Variants in COPE observed in about 807,000 individuals in gnomAD.
COPE encodes the protein coat protein complex I subunit epsilon.
COPE carries 19 observed loss-of-function variants against 42.1 expected under a neutral mutation model. The ratio of observed to expected loss-of-function variants is 0.45; its 90% CI spans 0.31 to 0.66. The LOEUF is 0.66. COPE is among the 30% of genes least tolerant of loss of function. COPE has a pLI of 0.05. For missense variants in COPE, 402 were observed against 416.1 expected, an observed-to-expected ratio of 0.97 and a Z score of 0.30; for synonymous variants, 195 against 181.3, an observed-to-expected ratio of 1.08 and a Z score of -0.60.
intron 5 of COPE, 41 bp downstream of exon 5, chr19:18,905,535 G>A: frequency 6.4e-7 from 1 of 1,567,066 alleles, no homozygotes. Context: ...GACGCTCTGG[G>A]CTGTGGCTCA....
chr19:18,900,560 G>A, intron 7 of COPE, 111 bp from the exon 8 acceptor site: 1 of 786,190 alleles, frequency 1.3e-6, no homozygotes, highest in East Asian at 2.8e-5. Context: ...TCAGAGGTGG[G>A]GTGGGACTGA....
chr19:18,905,924 G>A (rs745883783), intron 4 of COPE: 15 of 525,822 alleles, frequency 2.9e-5, no homozygotes, highest in Non-Finnish European at 4.3e-5. Flanking sequence ...GGCCCTGCCC[G>A]GACTCGACAC....
intron 3 of COPE, 104 bp from the exon 4 acceptor site, chr19:18,907,216 G>A: frequency 1.6e-6 from 2 of 1,282,796 alleles, no homozygotes; most frequent in Non-Finnish European, 2.1e-6. Context: ...GGTGAGCCAG[G>A]CCCTGGGGGT....
At position 18,902,757 on chromosome 19, in the gene COPE, AAGGAAGGAAGGGAAAGAAGGAAGGAAGG is replaced by A. The variant is rs1323393601; in HGVS notation, c.735+483_735+510del. On this transcript the variant is annotated intron_variant, in intron 7 of 9. Transcript: ENST00000262812. Reference sequence around the variant, plus strand: ...AGGAAGGAAAGGAAGGAAAGGAAGGAAGGAAGGAAGGGAAAGAAGGAAGGAAGGAAGGAAGGAAGGAAGGAAGGAAGGA... The same window carrying A: ...AGGAAGGAAAGGAAGGAAAGGAAGGAAAGGAAGGAAGGAAGGAAGGAAGGA... 2.3e-4 allele frequency among the ~76,000 whole-genome samples: 9 copies of A among 39,058 alleles called. 2 individuals carry two copies. The highest frequency in any genetic ancestry group is 1.0e-3 in the African/African-American group (6 of 6,006). The allele number at this position is 39,058 out of a possible 152,430, so 25.6% of individuals were successfully genotyped here.
intron 4 of COPE, chr19:18,905,856 G>C (rs963921637): frequency 1.8e-6 from 1 of 554,284 alleles, no homozygotes; most frequent in African/African-American, 2.0e-5. Context: ...TTCAGGCCCC[G>C]GCCCACTCAC....
At chr19:18,905,717 G>A in intron 4 of COPE, 88 bp from the exon 5 acceptor site, 1 of 1,379,870 alleles carries the variant, frequency 7.2e-7, no homozygotes, top group South Asian at 1.3e-5. Context: ...GTGTGTGTCT[G>A]GGATGTTCCT....
Position 18,905,623 on chromosome 19 carries a change from G to T in COPE, c.450C>A (p.Ala150=). Residue 150 remains alanine, a synonymous_variant, in exon 5 of 10, where the codon GCC becomes GCA. Coordinates refer to ENST00000262812, the MANE Select transcript of COPE (RefSeq NM_007263.4). ...LHQGDSLECT[A]MTVQILLKLD... is the part of the protein sequence containing the mutation. The stretch of plus-strand genomic sequence containing the variant: ...GCTTCAGCAGGATCTGCACTGTCAT[G>T]GCTGTGCTGCAGGACAGGGCGAGGG... 1 of 1,593,224 alleles carries T rather than the reference G, an allele frequency of 6.3e-7. No individual in the cohort carries two copies. The highest frequency in any genetic ancestry group is 8.5e-7 in the Non-Finnish European group (1 of 1,177,630).
At chr19:18,900,270 C>G (rs887071218) in intron 8 of COPE, 111 bp downstream of exon 8, 2 of 880,060 alleles carry the variant, frequency 2.3e-6, no homozygotes, top group African/African-American at 3.4e-5. Context: ...CTGCGGTAGG[C>G]ATACTGTATA....
intron 5 of COPE, 43 bp downstream of exon 5, chr19:18,905,533 G>A (rs1371068580): frequency 1.3e-6 from 2 of 1,562,900 alleles, no homozygotes; most frequent in Non-Finnish European, 1.7e-6. Context: ...GTGACGCTCT[G>A]GGCTGTGGCT....
intron 4 of COPE, chr19:18,906,166 G>A (rs1419807601): frequency 1.5e-5 from 6 of 394,602 alleles, no homozygotes; most frequent in South Asian, 1.4e-4. Context: ...CGGCCGGCTC[G>A]CCGACAGTGT....
intron 3 of COPE, 114 bp from the exon 4 acceptor site, chr19:18,907,226 T>C (rs1214068525): frequency 1.7e-6 from 2 of 1,152,952 alleles, no homozygotes; most frequent in South Asian, 1.5e-5. Context: ...GCCCTGGGGG[T>C]GCAGAGCAGC....
chr19:18,900,639 A>G (rs539509447), intron 7 of COPE, among the ~76,000 whole-genome samples, 190 bp from the exon 8 acceptor site: 1 of 152,212 alleles, frequency 6.6e-6, no homozygotes, highest in East Asian at 1.9e-4. Flanking sequence ...CGCCTCGCTG[A>G]GCCTCAGTTT....
intron 1 of COPE, among the ~76,000 whole-genome samples, chr19:18,918,092 A>G (rs1479482719): frequency 6.7e-6 from 1 of 149,548 alleles, no homozygotes; most frequent in African/African-American, 2.5e-5. Context: ...CGAGAGGCTG[A>G]GAAAGGAGAA....
chr19:18,903,448 G>A, intron 6 of COPE, 25 bp from the exon 7 acceptor site: 1 of 1,581,566 alleles, frequency 6.3e-7, no homozygotes, highest in Non-Finnish European at 8.6e-7. Flanking sequence ...CCGCATCATT[G>A]CCTGTGCCCC....
chr19:18,914,012 C>T (rs998969573), intron 1 of COPE, among the ~76,000 whole-genome samples: 3 of 152,190 alleles, frequency 2.0e-5, no homozygotes, highest in Non-Finnish European at 4.4e-5. Context: ...CAGGCCGCCG[C>T]AGACCTGGCC....
intron 2 of COPE, 47 bp downstream of exon 2, chr19:18,912,937 C>T: frequency 1.3e-6 from 2 of 1,596,082 alleles, no homozygotes; most frequent in Admixed American, 3.3e-5. Context: ...CAGCCCCACC[C>T]TCTACTCTGT....
chr19:18,911,969 G>A (rs1487858633), intron 2 of COPE, among the ~76,000 whole-genome samples: 2 of 151,474 alleles, frequency 1.3e-5, no homozygotes, highest in Non-Finnish European at 1.5e-5. Flanking sequence ...TCCTGCCTCA[G>A]CCTCCCAAGT....
chr19:18,914,696 AGC>A (rs2056838953), intron 1 of COPE, among the ~76,000 whole-genome samples: 1 of 151,448 alleles, frequency 6.6e-6, no homozygotes, highest in Non-Finnish European at 1.5e-5. Context: ...CCAAAGCAGG[AGC>A]ACTGCTTGAG....
Position 18,919,335 on chromosome 19 carries a change from G to C in COPE, c.14C>G (p.Ala5Gly). 3.1e-6 allele frequency: 5 copies of C among 1,613,686 alleles called. No individual in the cohort carries two copies. Among genetic ancestry groups the C allele is most frequent in the Non-Finnish European group, 4.2e-6 (5 of 1,180,006 alleles). MAPP[A>G]PGPASGGSGE... ...GGAGCCGCCGGAGGCCGGGCCGGGG[G>C]CCGGAGGCGCCATTTCGCTGTCTTC... Residue 5 changes from alanine (A) to glycine (G), a missense_variant, in exon 1 of 10, where the codon GCC becomes GGC. Physicochemically the swap from Ala to Gly is moderately conservative, Grantham distance 60. Transcript: ENST00000262812.
Sources: allele counts gnomAD v4.1 joint callset (sites outside exome capture counted in the v4.1 genomes callset), GRCh38; gene constraint gnomAD v4.1.1; transcripts MANE v1.5; gene names NCBI Gene and HGNC (gene_info 2026-07-23, HGNC 2026-07-21).